The following ADGRD1 variants were observed in gnomAD, a reference collection of about 807,000 sequenced individuals.
The protein encoded by ADGRD1 is G-protein coupled receptor 133.
ADGRD1 carries 77 observed loss-of-function variants against 113.4 expected under a neutral mutation model. That is an observed-to-expected ratio of 0.68 (90% CI 0.57 to 0.82). The LOEUF is 0.82. Among genes scored for constraint, ADGRD1 ranks in the 40% least tolerant of loss-of-function variants. The pLI is 0.00. For synonymous variants in ADGRD1, 474 were observed against 475.0 expected (o/e 1.00, Z 0.03); for missense variants, 1,036 against 1,139.1 (o/e 0.91, Z 1.30).
In ADGRD1 at chr12:131,070,653, G is replaced by A. The variant is rs538707337; in HGVS notation, c.1474-6148G>A. 24 of 346,098 alleles carry A rather than the reference G, an allele frequency of 6.9e-5. No homozygotes were observed. In the East Asian group the frequency reaches 7.0e-4, roughly 10 times the overall value. The allele number at this position is 346,098 out of a possible 1,614,324, so 21.4% of individuals were successfully genotyped here. On this transcript the variant is annotated intron_variant, in intron 13 of 24. Transcript: ENST00000261654. ...TCCAGGTGAGAGGAGAGCCAGGTGC[G>A]CAGTGAGCAGAGGTGGGAGGAAAGC...
chr12:130,969,223 T>TA, intron 3 of ADGRD1: 2 of 612,674 alleles, frequency 3.3e-6, no homozygotes, highest in African/African-American at 1.8e-5. Context: ...TCCAAGGTGT[T>TA]AAAAAATAAC....
Position 131,141,380 on chromosome 12 carries a change from G to A in ADGRD1, c.*2117G>A, listed in dbSNP as rs1320088237. The A allele has an allele frequency of 6.6e-6, 1 of 152,214 alleles. No homozygotes were observed. The highest frequency in any genetic ancestry group is 1.9e-4 in the East Asian group (1 of 5,202). The allele number at this position is 152,214 out of a possible 1,614,324, so 9.4% of individuals were successfully genotyped here. Reference sequence around the variant, plus strand: ...AATAAGAAATTGGAAAGAATGAAATGTTTAGTTTATAGTAGAAGAAAGATG... The same window carrying A: ...AATAAGAAATTGGAAAGAATGAAATATTTAGTTTATAGTAGAAGAAAGATG... On this transcript the variant is annotated 3_prime_UTR_variant, in exon 25 of 25. Coordinates refer to ENST00000261654, the MANE Select transcript of ADGRD1 (RefSeq NM_198827.5).
intron 8 of ADGRD1, among the ~76,000 whole-genome samples, chr12:130,993,372 TTTCATTCATTCATTCA>T (rs55716628): frequency 6.4e-5 from 9 of 141,136 alleles, no homozygotes; most frequent in South Asian, 2.4e-4. Context: ...ACTTCTCAGA[TTTCATTCATTCATTCA>T]TTCATTCATT....
At chr12:131,023,574 C>T (rs1034381289) in intron 13 of ADGRD1, 12 of 152,178 alleles carry the variant, frequency 7.9e-5, no homozygotes, top group African/African-American at 2.9e-4. Context: ...CATAGAAACT[C>T]TTTGGTACTC....
At chr12:131,055,213 G>A (rs967860617) in intron 13 of ADGRD1, among the ~76,000 whole-genome samples, 6 of 152,160 alleles carry the variant, frequency 3.9e-5, no homozygotes, top group Admixed American at 1.3e-4. Flanking sequence ...CCTGATTCTC[G>A]GGAGTCTGTG....
rs780598888 is a variant in ADGRD1, at chr12:131,089,815, AG to A, written c.1671+5157del. ...ATAGGTGATTCCCTGAGGTCACATC[AG>A]GGGGCAGAGCCCAGCCTTGAGCCAA... On this transcript the variant is annotated intron_variant, in intron 15 of 24. Transcript: ENST00000261654. Among the ~76,000 whole-genome samples the A allele has an allele frequency of 4.7e-4, 72 of 152,368 alleles. 1 individual carries two copies. Among genetic ancestry groups the A allele is most frequent in the Non-Finnish European group, 7.3e-4 (50 of 68,040 alleles).
chr12:131,020,138 G>A, intron 13 of ADGRD1, among the ~76,000 whole-genome samples: 1 of 85,482 alleles, frequency 1.2e-5, no homozygotes, highest in East Asian at 4.4e-4. Flanking sequence ...TCCAGGGCAG[G>A]GGGTGCTCGA....
chr12:131,131,196 G>A (rs1376369442), intron 20 of ADGRD1, among the ~76,000 whole-genome samples: 1 of 152,176 alleles, frequency 6.6e-6, no homozygotes, highest in Non-Finnish European at 1.5e-5. Context: ...GAGCCTTCCA[G>A]CAGTTTCCCA....
At chr12:131,016,606 G>A (rs1243796916) in intron 13 of ADGRD1, among the ~76,000 whole-genome samples, 1 of 152,246 alleles carries the variant, frequency 6.6e-6, no homozygotes, top group Non-Finnish European at 1.5e-5. Context: ...GTAGTCAAGA[G>A]TCTGTAGCTG....
chr12:130,966,533 G>A lies in ADGRD1; in HGVS notation c.174G>A (p.Gln58=). ...ATGTGGATGGGATCCATGAACTTCA[G>A]GATACAACTGGAGGTAGAGACGCGG... ...LENVDGIHEL[Q]DTTGDIVEGK... Residue 58 remains glutamine (Q), a synonymous_variant, in exon 3 of 25, where the codon CAG becomes CAA. Transcript: ENST00000261654. The surrounding 1 kb of genome is among the most constrained non-coding windows in gnomAD (Gnocchi z 4.6). 1 of 1,606,522 alleles carries A rather than the reference G, an allele frequency of 6.2e-7. No homozygotes were observed. The highest frequency in any genetic ancestry group is 1.1e-5 in the South Asian group (1 of 90,914).
At chr12:131,011,878 G>A (rs1184938944) in intron 12 of ADGRD1, among the ~76,000 whole-genome samples, 1 of 152,204 alleles carries the variant, frequency 6.6e-6, no homozygotes, top group Non-Finnish European at 1.5e-5. Context: ...CACACCACAC[G>A]TCTTAGGGCC....
chr12:130,990,978 A>G (rs1874304348), intron 6 of ADGRD1, 36 bp from the exon 7 acceptor site: 4 of 1,580,728 alleles, frequency 2.5e-6, no homozygotes, highest in African/African-American at 2.7e-5. Context: ...AAAAGTGACC[A>G]TGTTTTAGTC....
At chr12:131,107,365 G>C (rs1950257761) in intron 17 of ADGRD1, among the ~76,000 whole-genome samples, 1 of 151,604 alleles carries the variant, frequency 6.6e-6, no homozygotes, top group Non-Finnish European at 1.5e-5. Flanking sequence ...GAAGGGCTCT[G>C]ATGGGTCCCG....
intron 18 of ADGRD1, among the ~76,000 whole-genome samples, chr12:131,114,565 G>C (rs940564090): frequency 1.3e-5 from 2 of 152,122 alleles, no homozygotes; most frequent in Admixed American, 6.5e-5. Flanking sequence ...AAGTCGGGGG[G>C]GTCTGCAGGC....
intron 12 of ADGRD1, among the ~76,000 whole-genome samples, chr12:131,011,747 T>G (rs2136793973): frequency 6.6e-6 from 1 of 152,242 alleles, no homozygotes; most frequent in East Asian, 1.9e-4. Flanking sequence ...AGCAACGTGG[T>G]TTTTCCAGCG....
At chr12:131,033,798 G>A (rs1424102175) in intron 13 of ADGRD1, among the ~76,000 whole-genome samples, 2 of 152,164 alleles carry the variant, frequency 1.3e-5, no homozygotes, top group African/African-American at 2.4e-5. Context: ...CGGCTGCTGC[G>A]TCTGCTAGGG....
chr12:131,117,603 G>A (rs1026005627), intron 18 of ADGRD1, among the ~76,000 whole-genome samples: 2 of 152,122 alleles, frequency 1.3e-5, no homozygotes, highest in African/African-American at 4.8e-5. Flanking sequence ...AGGGTCACAT[G>A]CCCATCTTTG....
At chr12:130,992,173 A>T in intron 7 of ADGRD1, 64 bp from the exon 8 acceptor site, 4 of 1,289,524 alleles carry the variant, frequency 3.1e-6, no homozygotes, top group Non-Finnish European at 4.4e-6. Context: ...AGGACACATT[A>T]AACTTCTGTA....
chr12:131,073,179 C>CTAA (rs1474589280), intron 13 of ADGRD1, among the ~76,000 whole-genome samples: 1 of 152,236 alleles, frequency 6.6e-6, no homozygotes, highest in African/African-American at 2.4e-5. Flanking sequence ...CCTGTCTTAG[C>CTAA]CTCTATCAGG....
Sources: allele counts gnomAD v4.1 joint callset (sites outside exome capture counted in the v4.1 genomes callset), GRCh38; gene constraint gnomAD v4.1.1; non-coding constraint Gnocchi (gnomAD v3.1); transcripts MANE v1.5; gene names NCBI Gene and HGNC (gene_info 2026-07-23, HGNC 2026-07-21).